The following SGK1 variants were observed in gnomAD, a reference collection of about 807,000 sequenced individuals.
SGK1 encodes the protein serine/threonine-protein kinase Sgk1.
Under a neutral mutation model 64.2 loss-of-function variants are expected in SGK1, and 26 were observed. The observed-to-expected ratio is 0.40, with a 90% confidence interval of 0.30 to 0.56. The LOEUF (loss-of-function observed/expected upper bound fraction) is 0.56, where lower values mean the gene tolerates loss of function less well. Ranked by LOEUF, SGK1 falls within the 20% of genes least tolerant of loss-of-function variation. The pLI, the probability that SGK1 is intolerant of heterozygous loss-of-function variation, is 0.38. For synonymous variants in SGK1, 265 were observed against 239.7 expected (o/e 1.11, Z -0.98); for missense variants, 519 against 645.6 (o/e 0.80, Z 2.12).
chr6:134,312,384 A>C (rs1215473124), intron 1 of SGK1, among the ~76,000 whole-genome samples: 1 of 152,224 alleles, frequency 6.6e-6, no homozygotes, highest in Non-Finnish European at 1.5e-5. Context: ...AACAAATGTA[A>C]AGGGATGCTG....
rs35485310 is a variant in SGK1 at position 134,292,062 on chromosome 6, C to CAA, written c.69+25328_69+25329dup. Among the ~76,000 whole-genome samples, 291 of 132,882 alleles carry CAA rather than the reference C, an allele frequency of 2.2e-3. 4 individuals carry two copies. The highest frequency in any genetic ancestry group is 6.2e-3 in the East Asian group (30 of 4,874). The allele number at this position is 132,882 out of a possible 152,430, so 87.2% of individuals were successfully genotyped here. ...TGGGTGACAGAGCAAGACTCTCTCT[C>CAA]AAAAAAAAAAAAAACACTAGATTTT... On this transcript the variant is annotated intron_variant, in intron 1 of 13. Transcript: ENST00000367858.
Position 134,300,663 on chromosome 6 carries a change from C to T in SGK1, c.69+16729G>A, listed in dbSNP as rs1299944938. Among the ~76,000 whole-genome samples, 21 of 133,260 alleles carry T rather than the reference C, an allele frequency of 1.6e-4. 1 individual carries two copies. Among genetic ancestry groups the T allele is most frequent in the African/African-American group, 2.5e-4 (9 of 36,310 alleles). The allele number at this position is 133,260 out of a possible 152,430, so 87.4% of individuals were successfully genotyped here. On this transcript the variant is annotated intron_variant, in intron 1 of 13. Transcript: ENST00000367858. ...TTTTTTTTTTTTGGAGATGGAGTCT[C>T]GCTCTGTTGCCCAGGCTGGAGTGCA...
chr6:134,170,752 T>C (rs1261625558), intron 13 of SGK1, 74 bp downstream of exon 13: 8 of 998,412 alleles, frequency 8.0e-6, no homozygotes, highest in Non-Finnish European at 1.1e-5. Flanking sequence ...CTTCCAACCC[T>C]CCCCCAGACA....
rs531854306 is a variant in SGK1 at position 134,294,861 on chromosome 6, T to A, written c.69+22531A>T. Among the ~76,000 whole-genome samples the A allele has an allele frequency of 2.5e-3, 374 of 152,226 alleles. 1 individual carries two copies. Among genetic ancestry groups the A allele is most frequent in the African/African-American group, 8.7e-3 (360 of 41,524 alleles). ...TTTATTAATGTGTTAGATAACAAAGTCTAGAGGAAAGCTAATAATTACTGT... is the reference window on the plus strand; with the variant it reads ...TTTATTAATGTGTTAGATAACAAAGACTAGAGGAAAGCTAATAATTACTGT... On this transcript the variant is annotated intron_variant, in intron 1 of 13. Transcript: ENST00000367858.
In SGK1 at chr6:134,194,522, T is replaced by TTC. The variant is rs1487236947; in HGVS notation, c.361+12833_361+12834insGA. Among the ~76,000 whole-genome samples, 5 of 140,558 alleles carry TTC rather than the reference T, an allele frequency of 3.6e-5. No individual in the cohort carries two copies. In the East Asian group the frequency reaches 9.8e-4, roughly 27 times the overall value. 92.2% of individuals were successfully genotyped at this position (140,558 alleles called of 152,430 possible). A position where few individuals can be genotyped will look rare whatever the true frequency, so the allele number is the denominator to read the frequency against. ...AATTCAATTTGTCAAAAGTTTTTCT[T>TTC]TTTTTTTTTTTTTTGAGACGGAGTC... On this transcript the variant is annotated intron_variant, in intron 3 of 13. Transcript: ENST00000367858.
chr6:134,306,651 G>T (rs1484915438), intron 1 of SGK1, among the ~76,000 whole-genome samples: 1 of 151,848 alleles, frequency 6.6e-6, no homozygotes, highest in Admixed American at 6.6e-5. Context: ...AGCCTCCTGA[G>T]TAGCTGGGAC....
chr6:134,305,642 C>G (rs1777524429), intron 1 of SGK1, among the ~76,000 whole-genome samples: 1 of 150,982 alleles, frequency 6.6e-6, no homozygotes, highest in Non-Finnish European at 1.5e-5. Context: ...AAAATTTATT[C>G]AATGTATTTT....
At chr6:134,309,858 T>A (rs1183148362) in intron 1 of SGK1, among the ~76,000 whole-genome samples, 1 of 152,208 alleles carries the variant, frequency 6.6e-6, no homozygotes, top group Admixed American at 6.5e-5. Context: ...TATTTACCTT[T>A]ATTTTTGGAC....
At chr6:134,266,149 T>G (rs1044614928) in intron 1 of SGK1, among the ~76,000 whole-genome samples, 3 of 151,706 alleles carry the variant, frequency 2.0e-5, no homozygotes, top group Non-Finnish European at 2.9e-5. Context: ...CACGCCCAGC[T>G]AATTTTTGTA....
chr6:134,175,531 C>A, intron 3 of SGK1: 1 of 1,472,934 alleles, frequency 6.8e-7, no homozygotes, highest in African/African-American at 1.5e-5. Flanking sequence ...GCGGGGCCGG[C>A]GGCGGCGCTT....
Position 134,170,935 on chromosome 6 carries a change from G to A in SGK1, c.1324-20C>T, listed in dbSNP as rs945376965. On this transcript the variant is annotated intron_variant, in intron 12 of 13. Transcript: ENST00000367858. ...CTCCATCTGTTGATAAGAAACCCAA[G>A]ATTAATTTAGACAGGTGCATTCAAT... is the stretch of plus-strand genomic sequence containing the variant. The A allele has an allele frequency of 6.2e-7, 1 of 1,607,368 alleles. No homozygotes were observed. Among genetic ancestry groups the A allele is most frequent in the African/African-American group, 1.3e-5 (1 of 74,724 alleles).
chr6:134,256,376 G>A (rs750488006), intron 2 of SGK1, among the ~76,000 whole-genome samples: 2 of 152,110 alleles, frequency 1.3e-5, no homozygotes, highest in Non-Finnish European at 2.9e-5. Context: ...GTGTCTGTGT[G>A]TGTGTGTGTA....
At chr6:134,265,720 T>C (rs931051448) in intron 1 of SGK1, among the ~76,000 whole-genome samples, 5 of 148,822 alleles carry the variant, frequency 3.4e-5, no homozygotes, top group East Asian at 3.9e-4. Context: ...GTTAGTATCA[T>C]GGGTGTTTTA....
In SGK1 at chr6:134,169,404, G is replaced by T. The variant is rs1204103754; in HGVS notation, c.*864C>A. On this transcript the variant is annotated 3_prime_UTR_variant, in exon 14 of 14. Transcript: ENST00000367858. ...GTTTACATTACAAATAAGCCTGTAA[G>T]TTTAAATATACTAGTGTTATAACCC... The T allele has an allele frequency of 3.3e-5, 5 of 152,256 alleles. No homozygotes were observed. Among genetic ancestry groups the T allele is most frequent in the Admixed American group, 1.3e-4 (2 of 15,232 alleles). The allele number at this position is 152,256 out of a possible 1,614,324, so 9.4% of individuals were successfully genotyped here.
At chr6:134,298,417 T>G (rs1049717546) in intron 1 of SGK1, 1 of 1,021,712 alleles carries the variant, frequency 9.8e-7, no homozygotes, top group Admixed American at 1.7e-5. Context: ...GGTCTTGATC[T>G]TCCCCTTCTT....
intron 2 of SGK1, among the ~76,000 whole-genome samples, chr6:134,228,838 GTTCTTTTTTT>G (rs1217007696): frequency 2.4e-5 from 3 of 124,886 alleles, no homozygotes; most frequent in Non-Finnish European, 4.8e-5. Flanking sequence ...TCTTGTAGTT[GTTCTTTTTTT>G]TTTTTTTTTT....
intron 2 of SGK1, among the ~76,000 whole-genome samples, chr6:134,245,288 C>G (rs1166299310): frequency 1.3e-5 from 2 of 152,174 alleles, no homozygotes; most frequent in Non-Finnish European, 2.9e-5. Context: ...CAGGCAGTGA[C>G]TATGTCTTAG....
At position 134,194,651 on chromosome 6, in the gene SGK1, A is replaced by AGCT. The variant is rs559648129; in HGVS notation, c.361+12702_361+12704dup. ...ATTCTCCTGCCTCAGTCTCCTGAGT[A>AGCT]GCTGGGATTACAGGCGCACACCACC... On this transcript the variant is annotated intron_variant, in intron 3 of 13. Coordinates refer to ENST00000367858, the MANE Select transcript of SGK1 (RefSeq NM_001143676.3). 7.9e-5 allele frequency among the ~76,000 whole-genome samples: 12 copies of AGCT among 151,458 alleles called. 1 individual carries two copies. In the South Asian group the frequency reaches 2.5e-3, roughly 31 times the overall value.
intron 3 of SGK1, among the ~76,000 whole-genome samples, chr6:134,204,264 A>ATAAATAATTAAT (rs1554220508): frequency 1.3e-4 from 16 of 127,698 alleles, no homozygotes; most frequent in African/African-American, 4.2e-4. Context: ...AAATAAATAA[A>ATAAATAATTAAT]TAATTACTCT....
Sources: gnomAD v4.1 joint callset for allele counts (sites outside exome capture counted in the v4.1 genomes callset) on GRCh38, gnomAD v4.1.1 for gene constraint, MANE v1.5 for transcripts, NCBI Gene and HGNC (gene_info 2026-07-23, HGNC 2026-07-21) for gene names.